The following ZNF215 variants were observed in gnomAD, a reference collection of about 807,000 sequenced individuals.
The protein encoded by ZNF215 is BWSCR2-associated zinc finger protein 2.
ZNF215 carries 24 observed loss-of-function variants against 27.2 expected under a neutral mutation model. That is an observed-to-expected ratio of 0.88 (90% confidence interval 0.64 to 1.24). The LOEUF (loss-of-function observed/expected upper bound fraction) is 1.24, where lower values mean the gene tolerates loss of function less well. ZNF215 is among the 50% of genes most tolerant of loss of function. The pLI, the probability that ZNF215 is intolerant of heterozygous loss-of-function variation, is 0.00. For synonymous variants in ZNF215, 210 were observed against 204.0 expected (o/e 1.03, Z -0.25); for missense variants, 675 against 605.7 (o/e 1.11, Z -1.20).
At chr11:6,970,187 TGGAAATAC>T (rs1477901043) in intron 5 of ZNF215, among the ~76,000 whole-genome samples, 1 of 152,132 alleles carries the variant, frequency 6.6e-6, no homozygotes, top group Non-Finnish European at 1.5e-5. Flanking sequence ...CAGAAAAACA[TGGAAATAC>T]GAATAATACA....
At chr11:6,949,384 G>A (rs999301753) in intron 6 of ZNF215, among the ~76,000 whole-genome samples, 13 of 152,056 alleles carry the variant, frequency 8.5e-5, no homozygotes, top group Non-Finnish European at 1.2e-4. Context: ...AAGTGTTCCT[G>A]TTTCTCCACA....
chr11:6,986,604 G>A (rs1851056539), downstream of ZNF215, among the ~76,000 whole-genome samples: 1 of 152,142 alleles, frequency 6.6e-6, no homozygotes, highest in African/African-American at 2.4e-5. Flanking sequence ...GAAAGTATTT[G>A]TAAACTATGC....
chr11:6,938,530 GAATA>G (rs1390796904), intron 3 of ZNF215, among the ~76,000 whole-genome samples: 2 of 151,712 alleles, frequency 1.3e-5, no homozygotes, highest in African/African-American at 2.4e-5. Context: ...ACTAATGAAT[GAATA>G]AACTTTGCTA....
downstream of ZNF215, chr11:6,988,129 TTCATAA>T: frequency 1.1e-6 from 1 of 944,014 alleles, no homozygotes; most frequent in Non-Finnish European, 1.3e-6. Flanking sequence ...GCAACAGCAA[TTCATAA>T]TCATAACCAA....
chr11:6,948,395 G>A (rs184280589), intron 6 of ZNF215, among the ~76,000 whole-genome samples: 12 of 152,220 alleles, frequency 7.9e-5, no homozygotes, highest in African/African-American at 2.6e-4. Context: ...CTGGTGAGGC[G>A]GAGACAGGAA....
At chr11:6,955,457 C>T (rs1261579507) in intron 6 of ZNF215, among the ~76,000 whole-genome samples, 1 of 152,076 alleles carries the variant, frequency 6.6e-6, no homozygotes, top group Non-Finnish European at 1.5e-5. Context: ...TTACTCGAGC[C>T]CTATACCGTT....
At position 6,955,833 on chromosome 11, in the gene ZNF215, C is replaced by G. The variant is rs1850314246; in HGVS notation, c.856C>G (p.Gln286Glu). 6.2e-7 allele frequency: 1 copy of G among 1,613,498 alleles called. No individual in the cohort carries two copies. The highest frequency in any genetic ancestry group is 1.3e-5 in the African/African-American group (1 of 74,896). ...NQKKWDINLP[Q>E]EAFIPETIYT... is the part of the protein sequence containing the mutation. ...GAAAAAATGGGACATAAATTTGCCA[C>G]AAGAGGCTTTCATTCCTGAGACAAT... The change falls in exon 7 of 7, where the codon CAA (glutamine) becomes GAA (glutamate). Residue 286 changes from glutamine to glutamate, a missense_variant. Transcript: ENST00000278319.
At chr11:6,963,852 C>CA (rs1850564307) in intron 5 of ZNF215, among the ~76,000 whole-genome samples, 1 of 151,958 alleles carries the variant, frequency 6.6e-6, no homozygotes, top group South Asian at 2.1e-4. Flanking sequence ...CATTGGCTCA[C>CA]AAAAAATAAC....
At chr11:6,932,777 A>C in intron 3 of ZNF215, 105 bp downstream of exon 3, 1 of 1,025,582 alleles carries the variant, frequency 9.8e-7, no homozygotes, top group Non-Finnish European at 1.4e-6. Flanking sequence ...ATCTTGAAGG[A>C]CTTTATATTA....
chr11:6,933,953 A>C (rs1849353053), intron 3 of ZNF215, among the ~76,000 whole-genome samples: 1 of 152,232 alleles, frequency 6.6e-6, no homozygotes, highest in African/African-American at 2.4e-5. Flanking sequence ...GGAGTATGGC[A>C]AAGTGATATA....
At chr11:6,984,258 C>T (rs1278403715) in exon 6 of ZNF215, 2 of 243,738 alleles carry the variant, frequency 8.2e-6, no homozygotes, top group Non-Finnish European at 8.2e-6. Flanking sequence ...GAGGCACCCA[C>T]CACCATGCCT....
intron 3 of ZNF215, among the ~76,000 whole-genome samples, chr11:6,940,659 T>C (rs1307079664): frequency 6.6e-6 from 1 of 152,200 alleles, no homozygotes; most frequent in Non-Finnish European, 1.5e-5. Context: ...TTGAACCCAA[T>C]TATACATTTA....
intron 5 of ZNF215, among the ~76,000 whole-genome samples, chr11:6,973,453 A>T (rs930604876): frequency 3.3e-5 from 5 of 152,130 alleles, no homozygotes; most frequent in African/African-American, 1.2e-4. Flanking sequence ...CTAGTTCTAG[A>T]TCCCTGAGGA....
At chr11:6,985,710 A>G (rs1251615574), downstream of ZNF215, among the ~76,000 whole-genome samples, 2 of 152,222 alleles carry the variant, frequency 1.3e-5, no homozygotes, top group Non-Finnish European at 2.9e-5. Flanking sequence ...AAATCAATGT[A>G]CAGAAATCAG....
Position 6,932,084 on chromosome 11 carries a change from C to CT in ZNF215, c.-179-4dup, listed in dbSNP as rs1208283209. ...TTGTTCCCTGTGGGTTAATTTCTAT[C>CT]TTTTTTCAGTTGCTCAGGTACCTGA... is the stretch of plus-strand genomic sequence containing the variant. On this transcript the variant is annotated splice_polypyrimidine_tract_variant and intron_variant, in intron 2 of 6. Transcript: ENST00000278319. The CT allele has an allele frequency of 2.4e-5, 14 of 581,774 alleles. No individual in the cohort carries two copies. Among genetic ancestry groups the CT allele is most frequent in the Non-Finnish European group, 3.4e-5 (12 of 350,106 alleles). The allele number at this position is 581,774 out of a possible 1,614,324, so 36.0% of individuals were successfully genotyped here.
chr11:6,944,771 G>A (rs768119972), intron 6 of ZNF215, among the ~76,000 whole-genome samples: 1 of 151,982 alleles, frequency 6.6e-6, no homozygotes, highest in Non-Finnish European at 1.5e-5. Context: ...TTCTGAAATT[G>A]TGGAACAATT....
intron 5 of ZNF215, among the ~76,000 whole-genome samples, chr11:6,976,935 A>C (rs1304358745): frequency 1.3e-5 from 2 of 152,058 alleles, no homozygotes; most frequent in African/African-American, 2.4e-5. Flanking sequence ...AGATGTTGGC[A>C]GCATCGTGCT....
rs1011096303 is a variant in ZNF215, at chr11:6,926,622, C to G, written c.-389C>G. On this transcript the variant is annotated 5_prime_UTR_variant, in exon 1 of 7. Coordinates refer to ENST00000278319, the MANE Select transcript of ZNF215 (RefSeq NM_013250.4). The stretch of plus-strand genomic sequence containing the variant: ...GGGATTCCTAGTTGCAGCGTGATTA[C>G]CAACGCCAGCTCCCTTCACTGTCCA... The G allele has an allele frequency of 2.6e-5, 4 of 152,234 alleles. No individual in the cohort carries two copies. The highest frequency in any genetic ancestry group is 9.7e-5 in the African/African-American group (4 of 41,442). The allele number at this position is 152,234 out of a possible 1,614,324, so 9.4% of individuals were successfully genotyped here. A position where few individuals can be genotyped will look rare whatever the true frequency, so the allele number is the denominator to read the frequency against.
At chr11:6,971,132 T>G (rs951773208) in intron 5 of ZNF215, among the ~76,000 whole-genome samples, 1 of 152,130 alleles carries the variant, frequency 6.6e-6, no homozygotes, top group Non-Finnish European at 1.5e-5. Flanking sequence ...TTGATTAAGT[T>G]TGGATCATTA....
Sources: allele counts gnomAD v4.1 joint callset (sites outside exome capture counted in the v4.1 genomes callset), GRCh38; gene constraint gnomAD v4.1.1; transcripts MANE v1.5; gene names NCBI Gene and HGNC (gene_info 2026-07-23, HGNC 2026-07-21).